OR6N1: variants seen among roughly 807,000 people sequenced by gnomAD.
OR6N1 encodes olfactory receptor 6N1.
For synonymous variants in OR6N1, 170 were observed against 150.7 expected, an observed-to-expected ratio of 1.13 and a Z score of -0.94; for missense variants, 394 against 371.7, an observed-to-expected ratio of 1.06 and a Z score of -0.49.
the OR6N1 span, among the ~76,000 whole-genome samples, chr1:158,805,966 A>G: frequency 6.6e-6 from 1 of 152,238 alleles, no homozygotes; most frequent in African/African-American, 2.4e-5. Context: ...CCCCACAGAT[A>G]TTAGTAATTA....
the OR6N1 span, among the ~76,000 whole-genome samples, chr1:158,830,203 T>C: frequency 6.6e-6 from 1 of 152,200 alleles, no homozygotes; most frequent in East Asian, 1.9e-4. Flanking sequence ...TTTCCTTGTG[T>C]TCCTCTTTAC....
the OR6N1 span, among the ~76,000 whole-genome samples, chr1:158,838,497 G>A: frequency 5.0e-4 from 76 of 151,946 alleles, no homozygotes; most frequent in African/African-American, 1.5e-3. Context: ...TTTTTCTTGC[G>A]CTTTTTAAAT....
At chr1:158,769,432 G>A (rs1657358029) in intron 1 of OR6N1, among the ~76,000 whole-genome samples, 1 of 152,088 alleles carries the variant, frequency 6.6e-6, no homozygotes. Flanking sequence ...TAAAAGTGCT[G>A]GGATTACAGG....
chr1:158,806,397 C>T, the OR6N1 span, among the ~76,000 whole-genome samples: 1 of 152,182 alleles, frequency 6.6e-6, no homozygotes, highest in African/African-American at 2.4e-5. Flanking sequence ...AAATAAATCC[C>T]CACTGAAGAC....
upstream of OR6N1, chr1:158,775,176 G>A (rs1199750388): frequency 2.0e-5 from 3 of 152,158 alleles, no homozygotes; most frequent in Admixed American, 6.5e-5. Flanking sequence ...ATTTTGAAGA[G>A]AAGCAAAACA....
At chr1:158,826,106 G>T in the OR6N1 span, among the ~76,000 whole-genome samples, 1 of 151,398 alleles carries the variant, frequency 6.6e-6, no homozygotes, top group African/African-American at 2.4e-5. Context: ...ACAGATACCA[G>T]AACCTACTTG....
At chr1:158,781,481 ATT>A in the OR6N1 span, among the ~76,000 whole-genome samples, 36 of 152,002 alleles carry the variant, frequency 2.4e-4, no homozygotes, top group African/African-American at 8.7e-4. Flanking sequence ...TGCCACTCCT[ATT>A]CCCTCATCAC....
chr1:158,821,299 A>T, the OR6N1 span, among the ~76,000 whole-genome samples: 2 of 152,182 alleles, frequency 1.3e-5, no homozygotes, highest in Admixed American at 1.3e-4. Context: ...ATCAATGAAC[A>T]TGTGTCCAAT....
the OR6N1 span, among the ~76,000 whole-genome samples, chr1:158,778,374 G>T: frequency 3.3e-5 from 5 of 152,124 alleles, no homozygotes; most frequent in Non-Finnish European, 7.3e-5. Flanking sequence ...CCCGTAAGAT[G>T]AATTTTCCAA....
the OR6N1 span, chr1:158,781,139 A>G: frequency 6.6e-6 from 1 of 152,212 alleles, no homozygotes; most frequent in Non-Finnish European, 1.5e-5. Flanking sequence ...TCCCTGATCA[A>G]TATAGTTAAT....
chr1:158,784,623 CTA>C, the OR6N1 span, among the ~76,000 whole-genome samples: 1 of 152,140 alleles, frequency 6.6e-6, no homozygotes, highest in Non-Finnish European at 1.5e-5. Context: ...TTTTCTATTT[CTA>C]TGAGATCAGT....
At position 158,766,460 on chromosome 1, in the gene OR6N1, C is replaced by G. The variant is rs1468558402; in HGVS notation, c.223G>C (p.Ala75Pro). Residue 75 changes from alanine to proline, a missense_variant, in exon 2 of 2, where the codon GCT becomes CCT. Transcript: ENST00000641846. Reference sequence around the variant, plus strand: ...GCCAGCATCTTAGGGATGGTGGCAGCTGTATAGCCAAGCTCTGAGAAGGAG... The same window carrying G: ...GCCAGCATCTTAGGGATGGTGGCAGGTGTATAGCCAAGCTCTGAGAAGGAG... Reference protein sequence around the residue: ...ILSFSELGYTAATIPKMLANL... With the variant: ...ILSFSELGYTPATIPKMLANL... 6.2e-7 allele frequency: 1 copy of G among 1,613,992 alleles called. No homozygotes were observed. The highest frequency in any genetic ancestry group is 1.1e-5 in the South Asian group (1 of 91,080).
At chr1:158,774,550 T>A (rs1161150068), upstream of OR6N1, 1 of 152,172 alleles carries the variant, frequency 6.6e-6, no homozygotes, top group Non-Finnish European at 1.5e-5. Context: ...GGAAAACAGT[T>A]AGACAGCTAA....
chr1:158,816,796 C>T, the OR6N1 span, among the ~76,000 whole-genome samples: 1 of 152,256 alleles, frequency 6.6e-6, no homozygotes, highest in African/African-American at 2.4e-5. Flanking sequence ...ATATTTGGAT[C>T]TTACCCGTAT....
chr1:158,814,750 C>T, the OR6N1 span, among the ~76,000 whole-genome samples: 1 of 152,266 alleles, frequency 6.6e-6, no homozygotes, highest in South Asian at 2.1e-4. Flanking sequence ...GGTTAGGTTT[C>T]AACCTATGAA....
chr1:158,793,541 C>G, the OR6N1 span, among the ~76,000 whole-genome samples: 1 of 152,042 alleles, frequency 6.6e-6, no homozygotes, highest in Non-Finnish European at 1.5e-5. Flanking sequence ...GGCAAAGACT[C>G]TATGAATTTC....
the OR6N1 span, among the ~76,000 whole-genome samples, chr1:158,801,245 G>C: frequency 6.6e-6 from 1 of 151,746 alleles, no homozygotes; most frequent in Non-Finnish European, 1.5e-5. Flanking sequence ...GTGGCGGTGG[G>C]GAGAGAGAGA....
upstream of OR6N1, chr1:158,776,758 C>T (rs373599103): frequency 3.3e-5 from 54 of 1,613,814 alleles, no homozygotes; most frequent in African/African-American, 2.7e-4. Flanking sequence ...TTCCTTGTTA[C>T]GAAGACTGTA....
the OR6N1 span, among the ~76,000 whole-genome samples, chr1:158,826,285 A>T: frequency 6.6e-6 from 1 of 152,212 alleles, no homozygotes; most frequent in Non-Finnish European, 1.5e-5. Context: ...ACATTTTTTT[A>T]AAAACATACT....
Sources: allele counts gnomAD v4.1 joint callset (sites outside exome capture counted in the v4.1 genomes callset), GRCh38; gene constraint gnomAD v4.1.1; transcripts MANE v1.5; gene names NCBI Gene and HGNC (gene_info 2026-07-23, HGNC 2026-07-21).